The following IMPACT variants were observed in gnomAD, a reference collection of about 807,000 sequenced individuals.
The protein encoded by IMPACT is protein IMPACT.
Under a neutral mutation model 47.5 loss-of-function variants are expected in IMPACT, and 35 were observed. The observed-to-expected ratio is 0.74, with a 90% CI of 0.56 to 0.98. The LOEUF is 0.98. Among genes scored for constraint, IMPACT ranks in the 50% least tolerant of loss-of-function variants. The pLI is 0.00. For synonymous variants in IMPACT, 118 were observed against 125.6 expected, an observed-to-expected ratio of 0.94 and a Z score of 0.40; for missense variants, 373 against 394.8, an observed-to-expected ratio of 0.94 and a Z score of 0.47.
chr18:24,432,768 C>G (rs2090069027), intron 4 of IMPACT, among the ~76,000 whole-genome samples: 1 of 151,884 alleles, frequency 6.6e-6, no homozygotes. Flanking sequence ...CAGAATTGTT[C>G]ATCTAGTGGC....
intron 3 of IMPACT, among the ~76,000 whole-genome samples, chr18:24,429,176 G>T (rs2144329974): frequency 6.6e-6 from 1 of 152,248 alleles, no homozygotes; most frequent in Middle Eastern, 3.4e-3. Flanking sequence ...TTAGAGATGA[G>T]GAAGGAAACC....
intron 6 of IMPACT, among the ~76,000 whole-genome samples, chr18:24,442,423 G>A (rs373178300): frequency 1.3e-5 from 2 of 152,106 alleles, no homozygotes; most frequent in African/African-American, 2.4e-5. Context: ...AAAGGGTTGG[G>A]ATTGCAGGCG....
At chr18:24,441,053 G>GT (rs1319349395) in intron 6 of IMPACT, among the ~76,000 whole-genome samples, 2 of 152,100 alleles carry the variant, frequency 1.3e-5, no homozygotes, top group East Asian at 3.9e-4. Context: ...CCTTTAAGAG[G>GT]TTTTTTTTGA....
chr18:24,431,788 G>GC (rs1424083617), intron 4 of IMPACT, among the ~76,000 whole-genome samples: 1 of 152,034 alleles, frequency 6.6e-6, no homozygotes, highest in Non-Finnish European at 1.5e-5. Context: ...TGCAACCCCT[G>GC]CCCCTCAGGT....
intron 6 of IMPACT, among the ~76,000 whole-genome samples, chr18:24,441,011 G>A (rs1006405571): frequency 2.0e-5 from 3 of 152,204 alleles, no homozygotes; most frequent in Non-Finnish European, 2.9e-5. Context: ...TTAACTGAAA[G>A]TGCAGCCCTG....
In IMPACT at chr18:24,452,311, A is replaced by G. The variant is rs1456517176; in HGVS notation, c.*1464A>G. ...ATAACTATATTTTATGTTGTATGTT[A>G]TCAGGAGCCATCAGAGAATGACCTT... On this transcript the variant is annotated 3_prime_UTR_variant, in exon 11 of 11. Coordinates refer to ENST00000284202, the MANE Select transcript of IMPACT (RefSeq NM_018439.4). 1 of 152,220 alleles carries G rather than the reference A, an allele frequency of 6.6e-6. No individual in the cohort carries two copies. Among genetic ancestry groups the G allele is most frequent in the East Asian group, 1.9e-4 (1 of 5,204 alleles). 9.4% of individuals were successfully genotyped at this position (152,220 alleles called of 1,614,324 possible). A position where few individuals can be genotyped will look rare whatever the true frequency, so the allele number is the denominator to read the frequency against.
intron 2 of IMPACT, 122 bp downstream of exon 2, chr18:24,428,169 A>T: frequency 1.2e-6 from 1 of 867,490 alleles, no homozygotes. Context: ...TTTCTCAATG[A>T]TTAAACACAT....
chr18:24,427,277 C>T (rs140904059), intron 1 of IMPACT: 150 of 158,070 alleles, frequency 9.5e-4, no homozygotes, highest in Middle Eastern at 6.3e-3. Flanking sequence ...TCCTACAGGG[C>T]TGTGAGTACA....
rs1027097661 is a variant in IMPACT at position 24,452,615 on chromosome 18, A to C, written c.*1768A>C. On this transcript the variant is annotated 3_prime_UTR_variant, in exon 11 of 11. Transcript: ENST00000284202. ...TTGGCTGGTAAGAGGGAGAGATGCA[A>C]AATTCTCCAGCTCTGAACTTGGAGC... 6.6e-6 allele frequency: 1 copy of C among 152,082 alleles called. No homozygotes were observed. Among genetic ancestry groups the C allele is most frequent in the African/African-American group, 2.4e-5 (1 of 41,412 alleles). 9.4% of individuals were successfully genotyped at this position (152,082 alleles called of 1,614,324 possible).
chr18:24,441,969 T>C (rs774021281), intron 6 of IMPACT, among the ~76,000 whole-genome samples: 5 of 152,184 alleles, frequency 3.3e-5, no homozygotes, highest in Admixed American at 6.5e-5. Context: ...ATTTGACTTA[T>C]TACTATGTTA....
chr18:24,440,664 G>T (rs746306109), intron 6 of IMPACT, 46 bp downstream of exon 6: 10 of 1,501,004 alleles, frequency 6.7e-6, no homozygotes, highest in Non-Finnish European at 9.0e-6. Flanking sequence ...TGGGTTGGTA[G>T]TATTATGTAT....
At chr18:24,440,064 T>C (rs1360001666) in intron 5 of IMPACT, among the ~76,000 whole-genome samples, 1 of 152,216 alleles carries the variant, frequency 6.6e-6, no homozygotes, top group Non-Finnish European at 1.5e-5. Flanking sequence ...CATTTAGTAA[T>C]TGGAATTCTA....
At chr18:24,436,145 A>C (rs369798668) in intron 4 of IMPACT, among the ~76,000 whole-genome samples, 2 of 152,194 alleles carry the variant, frequency 1.3e-5, no homozygotes, top group East Asian at 3.9e-4. Context: ...CAGTTTTTTA[A>C]ATAGTGTCAT....
intron 10 of IMPACT, among the ~76,000 whole-genome samples, chr18:24,450,341 C>T (rs535410507): frequency 1.5e-4 from 23 of 152,256 alleles, no homozygotes; most frequent in African/African-American, 4.8e-4. Flanking sequence ...TTCTGAAATT[C>T]TCTGTTAGTG....
intron 4 of IMPACT, among the ~76,000 whole-genome samples, chr18:24,436,869 C>T (rs1187662402): frequency 6.6e-6 from 1 of 152,148 alleles, no homozygotes; most frequent in African/African-American, 2.4e-5. Context: ...AAAATCTTCT[C>T]ATCCAGCTTA....
chr18:24,428,748 T>C, intron 2 of IMPACT, 121 bp from the exon 3 acceptor site: 1 of 650,362 alleles, frequency 1.5e-6, no homozygotes, highest in Non-Finnish European at 2.6e-6. Flanking sequence ...CATATTTCAG[T>C]TTTCCTTTTC....
intron 6 of IMPACT, among the ~76,000 whole-genome samples, chr18:24,442,150 C>CTTT (rs397965432): frequency 1.8e-4 from 21 of 116,454 alleles, no homozygotes; most frequent in East Asian, 5.0e-4. Context: ...ATTAGTGATT[C>CTTT]TTTTTTTTTT....
At chr18:24,448,708 CCTGTT>C (rs757730743) in intron 9 of IMPACT, among the ~76,000 whole-genome samples, 1 of 151,746 alleles carries the variant, frequency 6.6e-6, no homozygotes, top group Non-Finnish European at 1.5e-5. Context: ...TTAAGAATAT[CCTGTT>C]CTGTTTTATG....
intron 4 of IMPACT, among the ~76,000 whole-genome samples, chr18:24,433,614 C>CA (rs1908822749): frequency 6.6e-6 from 1 of 151,424 alleles, no homozygotes; most frequent in Admixed American, 6.6e-5. Flanking sequence ...GCTGGGACTA[C>CA]AGGCACATAC....
Sources: gnomAD v4.1 joint callset for allele counts (sites outside exome capture counted in the v4.1 genomes callset) on GRCh38, gnomAD v4.1.1 for gene constraint, MANE v1.5 for transcripts, NCBI Gene and HGNC (gene_info 2026-07-23, HGNC 2026-07-21) for gene names.